The following PAPPA variants were observed in gnomAD, a reference collection of about 807,000 sequenced individuals.
PAPPA encodes pappalysin-1.
Under a neutral mutation model 164.0 loss-of-function variants are expected in PAPPA, and 60 were observed. That is an observed-to-expected ratio of 0.37 (90% CI 0.30 to 0.45). The LOEUF is 0.45. Among genes scored for constraint, PAPPA ranks in the 20% least tolerant of loss-of-function variants. The pLI is 1.00. For missense variants in PAPPA, 1,782 were observed against 2,087.3 expected, an observed-to-expected ratio of 0.85 and a Z score of 2.85; for synonymous variants, 875 against 814.1, an observed-to-expected ratio of 1.07 and a Z score of -1.27.
intron 7 of PAPPA, among the ~76,000 whole-genome samples, chr9:116,258,266 A>G (rs146104409): frequency 2.6e-5 from 4 of 152,164 alleles, no homozygotes; most frequent in Non-Finnish European, 5.9e-5. Flanking sequence ...CCCTTTTGAA[A>G]AGGAAAACTA....
intron 1 of PAPPA, among the ~76,000 whole-genome samples, chr9:116,174,172 C>A (rs778526277): frequency 3.3e-5 from 5 of 152,198 alleles, no homozygotes; most frequent in Non-Finnish European, 7.3e-5. Context: ...ATACCTGGCA[C>A]ACAGTAATCA....
At chr9:116,277,692 T>C (rs1282113875) in intron 9 of PAPPA, among the ~76,000 whole-genome samples, 2 of 152,202 alleles carry the variant, frequency 1.3e-5, no homozygotes, top group Admixed American at 6.5e-5. Flanking sequence ...ATTTTTTATT[T>C]TTTGAGACAG....
intron 9 of PAPPA, among the ~76,000 whole-genome samples, chr9:116,288,293 C>T (rs1041885528): frequency 2.0e-5 from 3 of 152,102 alleles, no homozygotes; most frequent in Non-Finnish European, 2.9e-5. Context: ...CGCTTGAACC[C>T]GAGAGGCAGA....
intron 7 of PAPPA, among the ~76,000 whole-genome samples, chr9:116,239,080 T>C (rs1246089165): frequency 6.6e-6 from 1 of 152,214 alleles, no homozygotes; most frequent in East Asian, 1.9e-4. Flanking sequence ...CTTTGACCTT[T>C]GTCTTCATTT....
In PAPPA at chr9:116,235,609, C is replaced by T. The variant is rs767862071; in HGVS notation, c.2704C>T (p.Leu902=). ...PPLQMDVASI[L]HLNRKFVDMD... ...TCTCCAGATGGATGTGGCCTCCATC[C>T]TACATCTCAATAGGAAATTCGTAGA... Residue 902 remains leucine (L), a synonymous_variant, in exon 7 of 22, where the codon CTA becomes TTA. Transcript: ENST00000328252. The T allele has an allele frequency of 7.4e-6, 12 of 1,613,108 alleles. No individual in the cohort carries two copies. The African/African-American group carries it at 1.1e-4, about 14-fold the overall frequency.
intron 15 of PAPPA, among the ~76,000 whole-genome samples, chr9:116,349,279 T>C (rs1406026843): frequency 6.6e-6 from 1 of 152,214 alleles, no homozygotes; most frequent in African/African-American, 2.4e-5. Context: ...ATGCTAGAGA[T>C]GGACAAGAAC....
At chr9:116,270,166 G>T (rs1845120628) in intron 8 of PAPPA, among the ~76,000 whole-genome samples, 1 of 152,200 alleles carries the variant, frequency 6.6e-6, no homozygotes, top group Admixed American at 6.5e-5. Flanking sequence ...TGGGAATGGG[G>T]ACTGTGATTC....
At chr9:116,373,202 G>C (rs1407117742) in intron 19 of PAPPA, 1 of 152,154 alleles carries the variant, frequency 6.6e-6, no homozygotes, top group Admixed American at 6.5e-5. Context: ...GATGCAGCCA[G>C]AATCTACTGA....
chr9:116,184,356 G>T (rs1007449994), intron 1 of PAPPA, among the ~76,000 whole-genome samples: 1 of 152,162 alleles, frequency 6.6e-6, no homozygotes, highest in Non-Finnish European at 1.5e-5. Flanking sequence ...TCTAAGAAGG[G>T]TTTGCCAGTG....
chr9:116,342,643 G>GAAAACAA (rs557697448), intron 13 of PAPPA, among the ~76,000 whole-genome samples: 7 of 151,880 alleles, frequency 4.6e-5, no homozygotes, highest in Non-Finnish European at 8.8e-5. Context: ...GAAACTGAGA[G>GAAAACAA]AAAACAAAAA....
Position 116,326,337 on chromosome 9 carries a change from CA to C in PAPPA, c.3148-4904del, listed in dbSNP as rs746874627. The stretch of plus-strand genomic sequence containing the variant: ...ATTATTTATTGTTGTCCCAGGACAA[CA>C]AAGCTGTGACCTGAAGCCACCCCAG... On this transcript the variant is annotated intron_variant, in intron 10 of 21. Coordinates refer to ENST00000328252, the MANE Select transcript of PAPPA (RefSeq NM_002581.5). Among the ~76,000 whole-genome samples the C allele has an allele frequency of 2.6e-5, 4 of 152,110 alleles. 1 individual carries two copies. The highest frequency in any genetic ancestry group is 5.9e-5 in the Non-Finnish European group (4 of 68,028).
rs376933271 is a variant in PAPPA at position 116,211,667 on chromosome 9, T to C, written c.1653T>C (p.Tyr551=). The C allele has an allele frequency of 5.6e-6, 9 of 1,613,960 alleles. No individual in the cohort carries two copies. In the East Asian group the frequency reaches 8.9e-5, roughly 16 times the overall value. ...LGGIVLNPSF[Y]GMPGHTHTMI... ...GCATTGTCTTGAACCCATCTTTCTA[T>C]GGCATGCCTGGGCACACCCACACCA... The change falls in exon 4 of 22, where the codon TAT becomes TAC. Residue 551 remains tyrosine, a synonymous_variant. Coordinates refer to ENST00000328252, the MANE Select transcript of PAPPA (RefSeq NM_002581.5).
At chr9:116,156,175 A>G (rs1000661873) in intron 1 of PAPPA, among the ~76,000 whole-genome samples, 12 of 150,762 alleles carry the variant, frequency 8.0e-5, no homozygotes, top group African/African-American at 2.9e-4. Context: ...AGTGATTTGG[A>G]AGGCATTCCC....
intron 9 of PAPPA, among the ~76,000 whole-genome samples, chr9:116,289,127 T>A (rs1230784488): frequency 8.4e-5 from 1 of 11,852 alleles, no homozygotes; most frequent in Non-Finnish European, 1.5e-4. Context: ...TATACATATA[T>A]ATATATATAT....
chr9:116,208,666 G>C (rs1844268093), intron 3 of PAPPA, among the ~76,000 whole-genome samples: 1 of 152,170 alleles, frequency 6.6e-6, no homozygotes, highest in Non-Finnish European at 1.5e-5. Flanking sequence ...AGGCCTGCCT[G>C]GTCTCCTGGT....
chr9:116,188,023 A>C lies in PAPPA; in HGVS notation c.1285A>C (p.Asn429His). ...IGDENCDPEC[N>H]HTLTGHDGGD... ...GGATGAGAACTGTGACCCCGAGTGC[A>C]ACCACACGCTGACGGGCCACGACGG... is the stretch of plus-strand genomic sequence containing the variant. Residue 429 changes from asparagine to histidine, a missense_variant, in exon 2 of 22, where the codon AAC becomes CAC. Coordinates refer to ENST00000328252, the MANE Select transcript of PAPPA (RefSeq NM_002581.5). The C allele has an allele frequency of 6.2e-7, 1 of 1,614,196 alleles. No individual in the cohort carries two copies. Among genetic ancestry groups the C allele is most frequent in the Non-Finnish European group, 8.5e-7 (1 of 1,180,038 alleles).
chr9:116,216,205 G>A (rs1844369385), intron 4 of PAPPA, among the ~76,000 whole-genome samples: 1 of 152,158 alleles, frequency 6.6e-6, no homozygotes, highest in African/African-American at 2.4e-5. Context: ...CTAGACATTA[G>A]TTAGCTTGTT....
intron 9 of PAPPA, chr9:116,286,303 G>A (rs753545281): frequency 1.6e-4 from 24 of 152,064 alleles, no homozygotes; most frequent in Non-Finnish European, 2.2e-4. Flanking sequence ...TAAGACTCTC[G>A]GATGGCCCCA....
At chr9:116,208,783 G>A (rs113370376) in intron 3 of PAPPA, among the ~76,000 whole-genome samples, 338 of 152,152 alleles carry the variant, frequency 2.2e-3, no homozygotes, top group Admixed American at 6.2e-3. Flanking sequence ...CCCTCCAGAC[G>A]ACTCTCATTT....
Sources: gnomAD v4.1 joint callset for allele counts (sites outside exome capture counted in the v4.1 genomes callset) on GRCh38, gnomAD v4.1.1 for gene constraint, MANE v1.5 for transcripts, NCBI Gene and HGNC (gene_info 2026-07-23, HGNC 2026-07-21) for gene names.